The following BAZ2B variants were observed in gnomAD, a reference collection of about 807,000 sequenced individuals.
The protein encoded by BAZ2B is bromodomain adjacent to zinc finger domain 2B, also known as bromodomain adjacent to zinc finger domain protein 2B.
Under a neutral mutation model 246.0 loss-of-function variants are expected in BAZ2B, and 91 were observed. The observed-to-expected ratio is 0.37, with a 90% CI of 0.31 to 0.44. The LOEUF (loss-of-function observed/expected upper bound fraction) is 0.44. Among genes scored for constraint, BAZ2B ranks in the 20% least tolerant of loss-of-function variants. The probability of loss-of-function intolerance (pLI) is 1.00; values close to 1 mark genes in which losing one functional copy is unlikely to be tolerated. For missense variants in BAZ2B, 2,332 were observed against 2,533.7 expected, an observed-to-expected ratio of 0.92 and a Z score of 1.71; for synonymous variants, 855 against 860.0, an observed-to-expected ratio of 0.99 and a Z score of 0.10.
the BAZ2B span, among the ~76,000 whole-genome samples, chr2:159,701,992 T>C: frequency 3.3e-5 from 5 of 152,286 alleles, no homozygotes; most frequent in South Asian, 6.2e-4. Flanking sequence ...CCTCCCAAAG[T>C]GCTGGGATTA....
chr2:159,316,094 T>G (rs771517866), downstream of BAZ2B, among the ~76,000 whole-genome samples: 9 of 152,140 alleles, frequency 5.9e-5, no homozygotes, highest in East Asian at 3.9e-4. Context: ...AATAAATACA[T>G]AAGTAGTCGA....
chr2:159,341,728 T>C lies in BAZ2B; in HGVS notation c.5455-3956A>G, dbSNP rs2066767605. Among the ~76,000 whole-genome samples the C allele has an allele frequency of 2.0e-5, 3 of 152,012 alleles. No individual in the cohort carries two copies. In the South Asian group the frequency reaches 6.2e-4, roughly 32 times the overall value. Reference sequence around the variant, plus strand: ...GTAACAAGAGGAACATTTAAAACCATACAAATACATGAAATGTAAACAACA... The same window carrying C: ...GTAACAAGAGGAACATTTAAAACCACACAAATACATGAAATGTAAACAACA... On this transcript the variant is annotated intron_variant, in intron 31 of 36. Coordinates refer to ENST00000392783, the MANE Select transcript of BAZ2B (RefSeq NM_013450.4).
At chr2:159,393,527 G>A (rs2063594831) in intron 20 of BAZ2B, among the ~76,000 whole-genome samples, 1 of 152,120 alleles carries the variant, frequency 6.6e-6, no homozygotes, top group Non-Finnish European at 1.5e-5. Context: ...ATATAGGTGG[G>A]TTAATTTTCC....
intron 1 of BAZ2B, among the ~76,000 whole-genome samples, chr2:159,571,872 C>A (rs560430508): frequency 4.6e-5 from 7 of 152,112 alleles, no homozygotes; most frequent in African/African-American, 7.2e-5. Context: ...GATAACAAAC[C>A]CACTTCCCAG....
chr2:159,548,346 TA>T (rs1469488139), intron 2 of BAZ2B, among the ~76,000 whole-genome samples: 1 of 152,228 alleles, frequency 6.6e-6, no homozygotes, highest in African/African-American at 2.4e-5. Context: ...CTACTTTTGG[TA>T]TTAGAAAAGT....
chr2:159,326,421 AT>A lies in BAZ2B; in HGVS notation c.5944-504del, dbSNP rs113206346. Among the ~76,000 whole-genome samples, 1,195 of 152,124 alleles carry A rather than the reference AT, an allele frequency of 7.9e-3. 23 individuals are homozygous for A. Among genetic ancestry groups the A allele is most frequent in the African/African-American group, 0.028 (1,142 of 41,502 alleles). ...ATCAAATCTACTAGAAATTGATTTG[AT>A]TTTTTTTCCTGGATAAAAGATAACA... On this transcript the variant is annotated intron_variant, in intron 34 of 36. Coordinates refer to ENST00000392783, the MANE Select transcript of BAZ2B (RefSeq NM_013450.4).
intron 2 of BAZ2B, among the ~76,000 whole-genome samples, chr2:159,511,730 A>G (rs2151188976): frequency 6.6e-6 from 1 of 152,320 alleles, no homozygotes; most frequent in South Asian, 2.1e-4. Flanking sequence ...ACTAAGTAGA[A>G]ATGCTCAGGA....
intron 1 of BAZ2B, among the ~76,000 whole-genome samples, chr2:159,583,859 T>C (rs74721564): frequency 1.1e-3 from 170 of 152,212 alleles, no homozygotes; most frequent in African/African-American, 4.0e-3. Context: ...GTTTGAAGGA[T>C]GTTAAGAACA....
chr2:159,582,090 T>C (rs1315316799), intron 1 of BAZ2B, among the ~76,000 whole-genome samples: 1 of 152,178 alleles, frequency 6.6e-6, no homozygotes, highest in Non-Finnish European at 1.5e-5. Flanking sequence ...CACATCACTG[T>C]ATAATCCTTT....
At chr2:159,384,478 A>T (rs1380781926) in intron 23 of BAZ2B, among the ~76,000 whole-genome samples, 1 of 152,054 alleles carries the variant, frequency 6.6e-6, no homozygotes, top group Non-Finnish European at 1.5e-5. Flanking sequence ...ATTTGGATTG[A>T]TCCTTTTTCT....
At chr2:159,460,752 A>T (rs1210185228) in intron 3 of BAZ2B, 2 of 152,134 alleles carry the variant, frequency 1.3e-5, no homozygotes, top group Non-Finnish European at 2.9e-5. Flanking sequence ...TAAAATTCTT[A>T]AGTATATTAA....
At chr2:159,477,072 G>A (rs779060710) in intron 3 of BAZ2B, among the ~76,000 whole-genome samples, 8 of 152,144 alleles carry the variant, frequency 5.3e-5, no homozygotes, top group Non-Finnish European at 1.2e-4. Context: ...TTAGGAGGCC[G>A]AGGAGGGCGG....
rs2071503453 is a variant in BAZ2B at position 159,433,380 on chromosome 2, T to TA, written c.1294-18dup. ...ATATTGTTCCTGTTGAAACATAAGT[T>TA]AAAAAACACAACAAAATGTACCACA... On this transcript the variant is annotated splice_polypyrimidine_tract_variant and intron_variant, in intron 8 of 36. Coordinates refer to ENST00000392783, the MANE Select transcript of BAZ2B (RefSeq NM_013450.4). 2 of 1,580,458 alleles carry TA rather than the reference T, an allele frequency of 1.3e-6. No homozygotes were observed. The highest frequency in any genetic ancestry group is 8.6e-7 in the Non-Finnish European group (1 of 1,165,724).
chr2:159,315,975 A>G (rs1329880147), downstream of BAZ2B, among the ~76,000 whole-genome samples: 1 of 152,210 alleles, frequency 6.6e-6, no homozygotes, highest in African/African-American at 2.4e-5. Context: ...AAAGAAACAG[A>G]AACAGAATTT....
At position 159,472,527 on chromosome 2, in the gene BAZ2B, T is replaced by C. The variant is rs2077938421; in HGVS notation, c.145+6048A>G. 5.3e-5 allele frequency among the ~76,000 whole-genome samples: 8 copies of C among 152,234 alleles called. No homozygotes were observed. In the South Asian group the frequency reaches 1.7e-3, roughly 31 times the overall value. On this transcript the variant is annotated intron_variant, in intron 3 of 36. Coordinates refer to ENST00000392783, the MANE Select transcript of BAZ2B (RefSeq NM_013450.4). ...CCAGAACTTCCAATACTATTTTGAATAGGAGTGGTGAGAGAGGGCATCTTT... is the reference window on the plus strand; with the variant it reads ...CCAGAACTTCCAATACTATTTTGAACAGGAGTGGTGAGAGAGGGCATCTTT...
rs1299331096 is a variant in BAZ2B, at chr2:159,336,953, T to C, written c.5785A>G (p.Ile1929Val). 1 of 1,601,886 alleles carries C rather than the reference T, an allele frequency of 6.2e-7. No homozygotes were observed. Among genetic ancestry groups the C allele is most frequent in the Admixed American group, 1.7e-5 (1 of 58,536 alleles). Residue 1929 changes from isoleucine (I) to valine (V), a missense_variant, in exon 33 of 37, where the codon ATT (isoleucine) becomes GTT (valine). By Grantham distance (29) the Ile-to-Val change is conservative. Transcript: ENST00000392783. ...LQKSIAWEKS[I>V]MKVYCQICRK... is the part of the protein sequence containing the mutation. ...ATAAAAACACTTACAACTTTCATAATTGATTTTTCCCATGCTATTGATTTC... is the reference window on the plus strand; with the variant it reads ...ATAAAAACACTTACAACTTTCATAACTGATTTTTCCCATGCTATTGATTTC...
At chr2:159,520,380 A>C (rs1395980968) in intron 2 of BAZ2B, among the ~76,000 whole-genome samples, 4 of 152,040 alleles carry the variant, frequency 2.6e-5, no homozygotes, top group Admixed American at 1.3e-4. Flanking sequence ...CACTTTCAGG[A>C]TGGCTCTCTC....
chr2:159,450,886 T>C (rs1265759083), intron 4 of BAZ2B, among the ~76,000 whole-genome samples: 2 of 152,006 alleles, frequency 1.3e-5, no homozygotes, highest in Admixed American at 6.6e-5. Context: ...ATTACAGGCA[T>C]GCACAACCAT....
rs559212738 is a variant in BAZ2B, at chr2:159,348,081, A to G, written c.5294-435T>C. 2.6e-4 allele frequency among the ~76,000 whole-genome samples: 40 copies of G among 152,018 alleles called. No individual in the cohort carries two copies. In the South Asian group the frequency reaches 2.9e-3, roughly 11 times the overall value. ...TGCCCATAATCTTAGCACTTTGGGAAGCTGAGGTGAGAGGATCACTTGAGG... is the reference window on the plus strand; with the variant it reads ...TGCCCATAATCTTAGCACTTTGGGAGGCTGAGGTGAGAGGATCACTTGAGG... On this transcript the variant is annotated intron_variant, in intron 30 of 36. Transcript: ENST00000392783.
Sources: allele counts gnomAD v4.1 joint callset (sites outside exome capture counted in the v4.1 genomes callset), GRCh38; gene constraint gnomAD v4.1.1; transcripts MANE v1.5; gene names NCBI Gene and HGNC (gene_info 2026-07-23, HGNC 2026-07-21).